Variants in RAD51B observed in about 807,000 individuals in gnomAD.
RAD51B encodes the protein DNA repair protein RAD51 homolog 2.
RAD51B carries 38 observed loss-of-function variants against 42.2 expected under a neutral mutation model. The observed-to-expected ratio is 0.90, with a 90% CI of 0.70 to 1.18. RAD51B has a LOEUF of 1.18. Ranked by LOEUF, RAD51B falls within the 50% of genes most tolerant of loss-of-function variation. The pLI is 0.00. For synonymous variants in RAD51B, 154 were observed against 145.2 expected (o/e 1.06, Z -0.43); for missense variants, 373 against 400.7 (o/e 0.93, Z 0.59).
chr14:68,569,873 T>C (rs1889608608), intron 10 of RAD51B, among the ~76,000 whole-genome samples: 1 of 152,068 alleles, frequency 6.6e-6, no homozygotes, highest in African/African-American at 2.4e-5. Context: ...CCTGGAAAAG[T>C]GAGGAGAGGC....
At chr14:68,414,552 C>T (rs747836401) in intron 9 of RAD51B, among the ~76,000 whole-genome samples, 42 of 152,064 alleles carry the variant, frequency 2.8e-4, no homozygotes, top group Non-Finnish European at 4.9e-4. Flanking sequence ...AAGACTAGTT[C>T]CTGCCCTCGA....
At chr14:68,424,933 C>T (rs114731832) in intron 9 of RAD51B, among the ~76,000 whole-genome samples, 2,082 of 152,272 alleles carry the variant, frequency 0.014, 45 homozygotes, top group African/African-American at 0.048. Context: ...TACCACCACA[C>T]CTGGCTATTT....
intron 7 of RAD51B, among the ~76,000 whole-genome samples, chr14:68,237,828 CG>C (rs2140995616): frequency 6.7e-6 from 1 of 150,166 alleles, no homozygotes; most frequent in Non-Finnish European, 1.5e-5. Context: ...CTCTGCCTCC[CG>C]GTTCAAGTGA....
intron 8 of RAD51B, among the ~76,000 whole-genome samples, chr14:68,382,657 A>G (rs1375786039): frequency 6.6e-6 from 1 of 152,238 alleles, no homozygotes; most frequent in Non-Finnish European, 1.5e-5. Flanking sequence ...CACCAATGCT[A>G]ACAAAGTTAA....
intron 11 of RAD51B, among the ~76,000 whole-genome samples, chr14:68,666,933 T>C (rs1893043658): frequency 6.6e-6 from 1 of 152,176 alleles, no homozygotes; most frequent in Non-Finnish European, 1.5e-5. Context: ...GTCTGCCTCT[T>C]TCAGGGTTGG....
chr14:68,209,096 C>G (rs2079650421), intron 7 of RAD51B, among the ~76,000 whole-genome samples: 2 of 152,304 alleles, frequency 1.3e-5, no homozygotes, highest in South Asian at 4.1e-4. Flanking sequence ...GTTTGGAGAT[C>G]AGGAAGATTT....
intron 7 of RAD51B, among the ~76,000 whole-genome samples, chr14:68,247,760 A>G (rs1015212089): frequency 6.6e-6 from 1 of 152,176 alleles, no homozygotes; most frequent in Non-Finnish European, 1.5e-5. Flanking sequence ...TTCCTATTTA[A>G]TACTTCTTTT....
chr14:68,564,367 C>T (rs922597588), intron 10 of RAD51B, among the ~76,000 whole-genome samples: 4 of 152,172 alleles, frequency 2.6e-5, no homozygotes, highest in South Asian at 2.1e-4. Context: ...GAGGTCATGC[C>T]GCACAGGCCT....
intron 7 of RAD51B, among the ~76,000 whole-genome samples, chr14:68,093,245 C>G (rs1412559764): frequency 6.6e-6 from 1 of 152,038 alleles, no homozygotes; most frequent in Non-Finnish European, 1.5e-5. Flanking sequence ...CCCTCTTTTT[C>G]TATTGATAGG....
At chr14:67,934,248 C>T (rs1036962522) in intron 7 of RAD51B, among the ~76,000 whole-genome samples, 1 of 152,112 alleles carries the variant, frequency 6.6e-6, no homozygotes, top group African/African-American at 2.4e-5. Context: ...CTTAGCAAAG[C>T]AATTGCCTGT....
At chr14:68,081,563 G>A (rs542780087) in intron 7 of RAD51B, among the ~76,000 whole-genome samples, 1 of 152,338 alleles carries the variant, frequency 6.6e-6, no homozygotes, top group South Asian at 2.1e-4. Flanking sequence ...TTTATAATAA[G>A]CATGTTGAAT....
At chr14:68,551,492 G>A (rs1306828961) in intron 10 of RAD51B, among the ~76,000 whole-genome samples, 2 of 152,188 alleles carry the variant, frequency 1.3e-5, no homozygotes, top group African/African-American at 4.8e-5. Context: ...TCTCTGCCTG[G>A]CAGGATTCCC....
chr14:68,150,794 T>G (rs1379887695), intron 7 of RAD51B, among the ~76,000 whole-genome samples: 1 of 152,188 alleles, frequency 6.6e-6, no homozygotes, highest in South Asian at 2.1e-4. Context: ...CTTTAACTTA[T>G]CACAGTCTAT....
At chr14:68,270,233 G>A (rs956954925) in intron 7 of RAD51B, among the ~76,000 whole-genome samples, 3 of 152,278 alleles carry the variant, frequency 2.0e-5, no homozygotes, top group Admixed American at 6.5e-5. Context: ...CTCAGATATG[G>A]CCAATAAAAT....
chr14:68,477,113 G>A (rs1180897434), intron 10 of RAD51B, among the ~76,000 whole-genome samples: 1 of 152,220 alleles, frequency 6.6e-6, no homozygotes, highest in African/African-American at 2.4e-5. Flanking sequence ...CTGGAACAAA[G>A]GGTGTGAGGC....
At chr14:68,632,962 CTTTTTCTTTTTTTTT>C (rs1195940210) in intron 10 of RAD51B, among the ~76,000 whole-genome samples, 9 of 95,878 alleles carry the variant, frequency 9.4e-5, no homozygotes, top group Non-Finnish European at 1.8e-4. Context: ...TTTTCTTTTT[CTTTTTCTTTTTTTTT>C]TTTTTTTTTT....
At chr14:68,549,263 G>T (rs931628162) in intron 10 of RAD51B, among the ~76,000 whole-genome samples, 3 of 151,942 alleles carry the variant, frequency 2.0e-5, no homozygotes, top group Non-Finnish European at 2.9e-5. Flanking sequence ...GGGGAGGGAT[G>T]GGGGGAGAAA....
chr14:67,845,978 C>G (rs545281074), intron 4 of RAD51B, among the ~76,000 whole-genome samples: 1 of 152,172 alleles, frequency 6.6e-6, no homozygotes, highest in Non-Finnish European at 1.5e-5. Flanking sequence ...GCTTTGTTCT[C>G]TGGGCCCTTC....
intron 10 of RAD51B, chr14:68,610,941 T>C: frequency 2.9e-6 from 2 of 681,204 alleles, no homozygotes; most frequent in Non-Finnish European, 5.4e-6. Context: ...TTCAATGTTG[T>C]TTCCTACACA....
Sources: allele counts gnomAD v4.1 joint callset (sites outside exome capture counted in the v4.1 genomes callset), GRCh38; gene constraint gnomAD v4.1.1; transcripts MANE v1.5; gene names NCBI Gene and HGNC (gene_info 2026-07-23, HGNC 2026-07-21).